The following LRP11 variants were observed in gnomAD, a reference collection of about 807,000 sequenced individuals.
LRP11 encodes the protein low-density lipoprotein receptor-related protein 11.
A neutral mutation model predicts 43.1 loss-of-function variants in LRP11; 25 were observed. The observed-to-expected ratio is 0.58, with a 90% CI of 0.42 to 0.81. The LOEUF is 0.81. LRP11 is among the 30% of genes least tolerant of loss of function. The pLI is 0.00. For synonymous variants in LRP11, 316 were observed against 299.4 expected (o/e 1.06, Z -0.57); for missense variants, 623 against 665.1 (o/e 0.94, Z 0.70).
intron 5 of LRP11, among the ~76,000 whole-genome samples, chr6:149,835,710 A>G (rs1776462102): frequency 6.6e-6 from 1 of 152,194 alleles, no homozygotes; most frequent in Non-Finnish European, 1.5e-5. Context: ...ATCTCTTTCA[A>G]GACAACTTGT....
At chr6:149,846,135 C>T (rs1305178924) in intron 2 of LRP11, among the ~76,000 whole-genome samples, 6 of 152,196 alleles carry the variant, frequency 3.9e-5, no homozygotes, top group Admixed American at 3.3e-4. Context: ...TGGCCTCTTC[C>T]CATGGGCACC....
chr6:149,850,118 G>A (rs1481786848), intron 2 of LRP11, among the ~76,000 whole-genome samples: 1 of 152,128 alleles, frequency 6.6e-6, no homozygotes. Flanking sequence ...ACACTCTTGG[G>A]TGCTAGGGAC....
chr6:149,853,169 G>C lies in LRP11; in HGVS notation c.614-9C>G. Reference sequence around the variant, plus strand: ...TGGAGGCGCATCCTTTTCTGAGAAAGAAAATAAATAATTCATAAAAGATGA... The same window carrying C: ...TGGAGGCGCATCCTTTTCTGAGAAACAAAATAAATAATTCATAAAAGATGA... On this transcript the variant is annotated splice_polypyrimidine_tract_variant and intron_variant, in intron 1 of 6. Transcript: ENST00000239367. 3 of 1,548,790 alleles carry C rather than the reference G, an allele frequency of 1.9e-6. 1 individual carries two copies. In the South Asian group the frequency reaches 3.7e-5, roughly 19 times the overall value.
In LRP11 at chr6:149,864,218, CAT is replaced by C. The variant is rs1389402357; in HGVS notation, c.-200_-199del. 2.7e-6 allele frequency: 3 copies of C among 1,109,016 alleles called. No homozygotes were observed. In the African/African-American group the frequency reaches 5.0e-5, roughly 18 times the overall value. 68.7% of individuals were successfully genotyped at this position (1,109,016 alleles called of 1,614,324 possible). On this transcript the variant is annotated 5_prime_UTR_variant, in exon 1 of 7. It removes an upstream start codon present in the reference 5' UTR. Coordinates refer to ENST00000239367, the MANE Select transcript of LRP11 (RefSeq NM_032832.6). ...CGGCGGGAACCGCAGTAGCGGGAGA[CAT>C]AGCCGGCCCAGCCGGGCACCGCTCC...
At chr6:149,822,584 C>A (rs1363126780) in intron 6 of LRP11, among the ~76,000 whole-genome samples, 1 of 152,004 alleles carries the variant, frequency 6.6e-6, no homozygotes, top group East Asian at 1.9e-4. Context: ...GACAGGACAG[C>A]CCCAGAGCCT....
chr6:149,843,466 C>T (rs552775755), intron 2 of LRP11, among the ~76,000 whole-genome samples: 1 of 152,104 alleles, frequency 6.6e-6, no homozygotes, highest in Non-Finnish European at 1.5e-5. Context: ...AAATCAGGAC[C>T]ATGACTAGGG....
chr6:149,848,910 A>G (rs934326764), intron 2 of LRP11, among the ~76,000 whole-genome samples: 1 of 152,338 alleles, frequency 6.6e-6, no homozygotes, highest in South Asian at 2.1e-4. Context: ...ATATAAAATA[A>G]AAGAGGCCCC....
intron 1 of LRP11, among the ~76,000 whole-genome samples, chr6:149,861,617 G>A (rs557328785): frequency 3.2e-4 from 48 of 152,282 alleles, no homozygotes; most frequent in Non-Finnish European, 3.8e-4. Flanking sequence ...CAGTTCAAGC[G>A]ATTCTCCTGC....
At position 149,864,101 on chromosome 6, in the gene LRP11, GGGCCCCTCC is replaced by G; in HGVS notation, c.-90_-82del. The G allele has an allele frequency of 8.3e-7, 1 of 1,209,006 alleles. No homozygotes were observed. Among genetic ancestry groups the G allele is most frequent in the Non-Finnish European group, 1.0e-6 (1 of 974,688 alleles). The allele number at this position is 1,209,006 out of a possible 1,614,324, so 74.9% of individuals were successfully genotyped here. A position where few individuals can be genotyped will look rare whatever the true frequency, so the allele number is the denominator to read the frequency against. On this transcript the variant is annotated 5_prime_UTR_variant, in exon 1 of 7. Transcript: ENST00000239367. ...GGGGACGCGGGCGAGCGCGGGCCCT[GGGCCCCTCC>G]TGCGCGGCCGCGGCTGGCTCTAGGC...
At chr6:149,829,193 A>C (rs917293293) in intron 5 of LRP11, among the ~76,000 whole-genome samples, 3 of 152,122 alleles carry the variant, frequency 2.0e-5, no homozygotes, top group Non-Finnish European at 4.4e-5. Context: ...ATTCTGCTTT[A>C]TCTCTCTCTC....
chr6:149,829,328 A>G (rs1776378227), intron 5 of LRP11, among the ~76,000 whole-genome samples: 1 of 152,170 alleles, frequency 6.6e-6, no homozygotes, highest in Non-Finnish European at 1.5e-5. Context: ...TAGGAGGCCA[A>G]GGCAGGTGGA....
intron 1 of LRP11, among the ~76,000 whole-genome samples, chr6:149,861,343 G>C (rs748395937): frequency 3.9e-5 from 6 of 152,120 alleles, no homozygotes; most frequent in Non-Finnish European, 8.8e-5. Flanking sequence ...GGGACCTCAG[G>C]AAGTCTGAGC....
intron 3 of LRP11, 139 bp from the exon 4 acceptor site, chr6:149,837,602 C>T (rs1776490756): frequency 1.2e-6 from 1 of 845,654 alleles, no homozygotes; most frequent in Non-Finnish European, 1.8e-6. Context: ...CTAACAATTC[C>T]AGCAACAGGT....
chr6:149,864,327 G>A lies in LRP11; in HGVS notation c.-307C>T, dbSNP rs1318314625. ...CGCTGGGTGGCGACGAGTCGGCCTC[G>A]GCGTTGATCAGCACCAGGTGTGTGC... On this transcript the variant is annotated 5_prime_UTR_variant, in exon 1 of 7. Coordinates refer to ENST00000239367, the MANE Select transcript of LRP11 (RefSeq NM_032832.6). 5 of 1,018,390 alleles carry A rather than the reference G, an allele frequency of 4.9e-6. No homozygotes were observed. The Admixed American group carries it at 2.3e-4, about 47-fold the overall frequency. 63.1% of individuals were successfully genotyped at this position (1,018,390 alleles called of 1,614,324 possible). A position where few individuals can be genotyped will look rare whatever the true frequency, so the allele number is the denominator to read the frequency against.
At position 149,863,804 on chromosome 6, in the gene LRP11, C is replaced by G. The variant is rs537149119; in HGVS notation, c.217G>C (p.Glu73Gln). Reference protein sequence around the residue: ...RRQLQQERPQEELELELRAGG... With the variant: ...RRQLQQERPQQELELELRAGG... ...GCGCGCAGCTCCAGCTCCAGCTCCT[C>G]CTGAGGCCGCTCCTGCTGCAGTTGC... The change falls in exon 1 of 7, where the codon GAG (glutamate) becomes CAG (glutamine). Residue 73 changes from glutamate to glutamine, a missense_variant. By Grantham distance (29) the Glu-to-Gln change is conservative (BLOSUM62 2). Coordinates refer to ENST00000239367, the MANE Select transcript of LRP11 (RefSeq NM_032832.6). 1.3e-6 allele frequency: 2 copies of G among 1,502,160 alleles called. No homozygotes were observed. Among genetic ancestry groups the G allele is most frequent in the Admixed American group, 4.2e-5 (2 of 48,032 alleles). The allele number at this position is 1,502,160 out of a possible 1,614,324, so 93.1% of individuals were successfully genotyped here.
intron 2 of LRP11, among the ~76,000 whole-genome samples, chr6:149,850,166 G>A (rs1482153851): frequency 6.6e-6 from 1 of 152,162 alleles, no homozygotes; most frequent in Non-Finnish European, 1.5e-5. Context: ...CCAATAACAG[G>A]TTTTAACTTA....
chr6:149,829,423 T>G (rs1401233077), intron 5 of LRP11, among the ~76,000 whole-genome samples: 1 of 152,064 alleles, frequency 6.6e-6, no homozygotes, highest in Admixed American at 6.5e-5. Context: ...TAGCTGGGAA[T>G]GACGGCACAC....
At chr6:149,833,555 G>A (rs1041593926) in intron 5 of LRP11, among the ~76,000 whole-genome samples, 28 of 152,320 alleles carry the variant, frequency 1.8e-4, no homozygotes, top group African/African-American at 6.5e-4. Context: ...ATGTATATGT[G>A]TATGAATAGA....
chr6:149,846,789 A>T lies in LRP11; in HGVS notation c.772-3665T>A, dbSNP rs77556923. 5.0e-3 allele frequency among the ~76,000 whole-genome samples: 758 copies of T among 151,974 alleles called. 9 individuals are homozygous for T. The highest frequency in any genetic ancestry group is 0.017 in the African/African-American group (722 of 41,406). ...CCCCATCTTTACTAAAAATACAAAA[A>T]TTAGCCAGGTGGTGCATGCCTGTAG... On this transcript the variant is annotated intron_variant, in intron 2 of 6. Transcript: ENST00000239367.
Sources: gnomAD v4.1 joint callset for allele counts (sites outside exome capture counted in the v4.1 genomes callset) on GRCh38, gnomAD v4.1.1 for gene constraint, MANE v1.5 for transcripts, NCBI Gene and HGNC (gene_info 2026-07-23, HGNC 2026-07-21) for gene names.